Variants in LRRC38 observed in about 807,000 individuals in gnomAD.
LRRC38 encodes the protein leucine rich repeat containing 38, also known as leucine-rich repeat-containing protein 38.
A neutral mutation model predicts 16.4 loss-of-function variants in LRRC38; 5 were observed. The observed-to-expected ratio is 0.31, with a 90% confidence interval of 0.16 to 0.64. The LOEUF (loss-of-function observed/expected upper bound fraction) is 0.64. Among genes scored for constraint, LRRC38 ranks in the 30% least tolerant of loss-of-function variants. The pLI is 0.80. For missense variants in LRRC38, 341 were observed against 401.8 expected (o/e 0.85, Z 1.29); for synonymous variants, 191 against 190.2 (o/e 1.00, Z -0.04).
chr1:13,496,402 G>C (rs1639081136), intron 1 of LRRC38, among the ~76,000 whole-genome samples: 1 of 151,894 alleles, frequency 6.6e-6, no homozygotes, highest in African/African-American at 2.4e-5. Context: ...CAAACTCCTG[G>C]GCTCAAGCAA....
intron 1 of LRRC38, among the ~76,000 whole-genome samples, chr1:13,494,417 T>C (rs1004484385): frequency 3.4e-5 from 5 of 148,560 alleles, no homozygotes; most frequent in Admixed American, 6.6e-5. Flanking sequence ...TTTTTTTTTT[T>C]TCCATTTCTT....
At position 13,487,891 on chromosome 1, in the gene LRRC38, T is replaced by TA. The variant is rs531568618; in HGVS notation, c.632-11793dup. On this transcript the variant is annotated intron_variant, in intron 1 of 1. Coordinates refer to ENST00000376085, the MANE Select transcript of LRRC38 (RefSeq NM_001010847.2). This position sits in a 1 kb window ranked among gnomAD's most constrained non-coding sequence, Gnocchi z 4.4. ...GGCTCTGGTAAGCGCTTTTTGTCAT[T>TA]AAAAATATTTTTTTGTTTTCTTATC... Among the ~76,000 whole-genome samples, 54 of 152,278 alleles carry TA rather than the reference T, an allele frequency of 3.5e-4. No homozygotes were observed. The East Asian group carries it at 9.2e-3, about 26-fold the overall frequency.
At chr1:13,504,218 T>C (rs1227139940) in intron 1 of LRRC38, among the ~76,000 whole-genome samples, 1 of 140,874 alleles carries the variant, frequency 7.1e-6, no homozygotes, top group African/African-American at 2.8e-5. Context: ...GGAGAGATGC[T>C]ATCACCTACA....
intron 1 of LRRC38, among the ~76,000 whole-genome samples, chr1:13,499,686 G>A (rs1639123041): frequency 6.6e-6 from 1 of 152,174 alleles, no homozygotes; most frequent in South Asian, 2.1e-4. Context: ...CAGGCCAGTG[G>A]GAGGGGTGGT....
chr1:13,491,401 A>C (rs2100503760), intron 1 of LRRC38, among the ~76,000 whole-genome samples: 1 of 152,054 alleles, frequency 6.6e-6, no homozygotes, highest in South Asian at 2.1e-4. Flanking sequence ...GATCTCAGCC[A>C]CTGCAGCCTC....
chr1:13,496,345 A>AT (rs374612487), intron 1 of LRRC38, among the ~76,000 whole-genome samples: 14 of 150,892 alleles, frequency 9.3e-5, no homozygotes, highest in South Asian at 4.2e-4. Flanking sequence ...TTTATTTTTT[A>AT]TTTTTTTTGT....
rs542472923 is a variant in LRRC38, at chr1:13,507,392, C to A, written c.631+5571G>T. On this transcript the variant is annotated intron_variant, in intron 1 of 1. Coordinates refer to ENST00000376085, the MANE Select transcript of LRRC38 (RefSeq NM_001010847.2). ...GCATGAAAACCGAGACTTCAGTAAG[C>A]CTCTGCCCAGGAACACAGCTCTCTC... is the stretch of plus-strand genomic sequence containing the variant. Among the ~76,000 whole-genome samples, 4 of 152,352 alleles carry A rather than the reference C, an allele frequency of 2.6e-5. 1 individual carries two copies. In the South Asian group the frequency reaches 8.3e-4, roughly 32 times the overall value.
Position 13,499,989 on chromosome 1 carries a change from GCCTGTAATC to G in LRRC38, c.631+12965_631+12973del, listed in dbSNP as rs1328429970. On this transcript the variant is annotated intron_variant, in intron 1 of 1. Transcript: ENST00000376085. The stretch of plus-strand genomic sequence containing the variant: ...AGATTGGCTGGGCTTGGTCTCTCAT[GCCTGTAATC>G]CCAGCACTTTGGGAGGCCGAGGCAG... 2.6e-4 allele frequency among the ~76,000 whole-genome samples: 39 copies of G among 152,140 alleles called. 1 individual carries two copies.
At chr1:13,485,013 C>T (rs908386347) in intron 1 of LRRC38, among the ~76,000 whole-genome samples, 9 of 152,180 alleles carry the variant, frequency 5.9e-5, no homozygotes, top group Non-Finnish European at 2.9e-5. Flanking sequence ...CACGGTGGCT[C>T]ACGCCTGTAA....
intron 1 of LRRC38, 34 bp downstream of exon 1, chr1:13,512,929 C>CCCAA: frequency 1.7e-6 from 2 of 1,184,644 alleles, no homozygotes; most frequent in Non-Finnish European, 2.4e-6. Flanking sequence ...CTGCCCCCCT[C>CCCAA]CCTCCCTCCC....
chr1:13,509,038 AT>A (rs1469468938), intron 1 of LRRC38, among the ~76,000 whole-genome samples: 1 of 152,098 alleles, frequency 6.6e-6, no homozygotes, highest in African/African-American at 2.4e-5. Context: ...AAGCCCCCGA[AT>A]GCTCAGATGC....
At position 13,491,831 on chromosome 1, in the gene LRRC38, AC is replaced by A. The variant is rs1442196594; in HGVS notation, c.632-15733del. Among the ~76,000 whole-genome samples, 12 of 152,170 alleles carry A rather than the reference AC, an allele frequency of 7.9e-5. No homozygotes were observed. In the South Asian group the frequency reaches 2.5e-3, roughly 32 times the overall value. ...GCTGGGATTACAGGCATGTGCCACC[AC>A]GCCCAGCTAATTTTTGTATTTTTAG... is the stretch of plus-strand genomic sequence containing the variant. On this transcript the variant is annotated intron_variant, in intron 1 of 1. Coordinates refer to ENST00000376085, the MANE Select transcript of LRRC38 (RefSeq NM_001010847.2).
At chr1:13,490,028 CT>C (rs1403403798) in intron 1 of LRRC38, among the ~76,000 whole-genome samples, 1 of 152,206 alleles carries the variant, frequency 6.6e-6, no homozygotes, top group African/African-American at 2.4e-5. Context: ...AGTCCCACCC[CT>C]CATCTTAAAA....
Position 13,510,649 on chromosome 1 carries a change from T to G in LRRC38, c.631+2314A>C, listed in dbSNP as rs78470885. Reference sequence around the variant, plus strand: ...CTGTGAAAAGTAGAAAAAGCACAAATGCAGGAGGAGGAGGGAGGGGGCGGG... The same window carrying G: ...CTGTGAAAAGTAGAAAAAGCACAAAGGCAGGAGGAGGAGGGAGGGGGCGGG... On this transcript the variant is annotated intron_variant, in intron 1 of 1. Coordinates refer to ENST00000376085, the MANE Select transcript of LRRC38 (RefSeq NM_001010847.2). Among the ~76,000 whole-genome samples the G allele has an allele frequency of 2.7e-3, 261 of 95,918 alleles. 1 individual carries two copies. The highest frequency in any genetic ancestry group is 0.01 in the African/African-American group (245 of 23,842). The allele number at this position is 95,918 out of a possible 152,430, so 62.9% of individuals were successfully genotyped here.
chr1:13,504,121 C>T (rs1453899015), intron 1 of LRRC38, among the ~76,000 whole-genome samples: 1 of 152,174 alleles, frequency 6.6e-6, no homozygotes, highest in Non-Finnish European at 1.5e-5. Flanking sequence ...GTGCTTTAAA[C>T]GAAGACAAAA....
chr1:13,498,911 C>T (rs1301836827), intron 1 of LRRC38, among the ~76,000 whole-genome samples: 1 of 152,218 alleles, frequency 6.6e-6, no homozygotes, highest in Non-Finnish European at 1.5e-5. Context: ...GGCCTCCCCA[C>T]TGGCTCCGGT....
At chr1:13,477,933 G>A (rs1322652530) in intron 1 of LRRC38, among the ~76,000 whole-genome samples, 2 of 152,236 alleles carry the variant, frequency 1.3e-5, no homozygotes, top group African/African-American at 2.4e-5. Context: ...AACACACCAT[G>A]TGTTGAGATA....
intron 1 of LRRC38, among the ~76,000 whole-genome samples, chr1:13,498,214 G>T (rs1443916543): frequency 6.7e-6 from 1 of 150,164 alleles, no homozygotes; most frequent in African/African-American, 2.5e-5. Context: ...AGGAAGCAGA[G>T]ACGACCCCCA....
chr1:13,480,299 C>T (rs1255255954), intron 1 of LRRC38, among the ~76,000 whole-genome samples: 1 of 152,188 alleles, frequency 6.6e-6, no homozygotes, highest in Non-Finnish European at 1.5e-5. Context: ...GAGCCGAGAC[C>T]ACGCCATTGC....
Sources: allele counts gnomAD v4.1 joint callset (sites outside exome capture counted in the v4.1 genomes callset), GRCh38; gene constraint gnomAD v4.1.1; non-coding constraint Gnocchi (gnomAD v3.1); transcripts MANE v1.5; gene names NCBI Gene and HGNC (gene_info 2026-07-23, HGNC 2026-07-21).